MARCHF5: variants seen among roughly 807,000 people sequenced by gnomAD.
MARCHF5 encodes E3 ubiquitin-protein ligase MARCHF5.
In MARCHF5, 5 loss-of-function variants were observed where a neutral mutation model predicts 36.5. That is an observed-to-expected ratio of 0.14 (90% CI 0.07 to 0.29). The LOEUF is 0.29. MARCHF5 is among the 10% of genes least tolerant of loss of function. The pLI is 1.00. For missense variants in MARCHF5, 179 were observed against 336.3 expected (o/e 0.53, Z 3.66); for synonymous variants, 103 against 109.9 (o/e 0.94, Z 0.39).
rs1252933460 is a variant in MARCHF5 at position 92,291,264 on chromosome 10, C to A, written c.-231C>A. 5.6e-6 allele frequency: 3 copies of A among 540,344 alleles called. No homozygotes were observed. The African/African-American group carries it at 6.1e-5, about 11-fold the overall frequency. 33.5% of individuals were successfully genotyped at this position (540,344 alleles called of 1,614,324 possible). A position where few individuals can be genotyped will look rare whatever the true frequency, so the allele number is the denominator to read the frequency against. ...CGGACGGGAACCCGGGCCGCGATCG[C>A]CGCCTCCCCGCCTCAGGCTCCTCCT... On this transcript the variant is annotated 5_prime_UTR_variant, in exon 1 of 6. Coordinates refer to ENST00000358935, the MANE Select transcript of MARCHF5 (RefSeq NM_017824.5).
chr10:92,298,960 T>A (rs1157158484), intron 1 of MARCHF5, among the ~76,000 whole-genome samples: 2 of 152,032 alleles, frequency 1.3e-5, no homozygotes, highest in Non-Finnish European at 2.9e-5. Context: ...CAAGCCAGCA[T>A]GCCCAGCTAA....
chr10:92,349,591 C>T (rs1361081375), intron 4 of MARCHF5, 59 bp downstream of exon 4: 1 of 1,593,962 alleles, frequency 6.3e-7, no homozygotes, highest in Admixed American at 1.7e-5. Flanking sequence ...AGAACAATAA[C>T]ATGCTTTTTT....
intron 1 of MARCHF5, among the ~76,000 whole-genome samples, chr10:92,309,872 C>T (rs1169202750): frequency 6.6e-6 from 1 of 152,020 alleles, no homozygotes; most frequent in Non-Finnish European, 1.5e-5. Context: ...AACCATAAGA[C>T]AATGTGAAGG....
chr10:92,319,530 G>A (rs1318251129), intron 2 of MARCHF5, among the ~76,000 whole-genome samples: 1 of 151,900 alleles, frequency 6.6e-6, no homozygotes, highest in Non-Finnish European at 1.5e-5. Context: ...TCCTGACCTC[G>A]TGATCTGCCT....
intron 2 of MARCHF5, among the ~76,000 whole-genome samples, chr10:92,326,966 C>A (rs1843368538): frequency 6.6e-6 from 1 of 152,002 alleles, no homozygotes. Context: ...TTATAACTAT[C>A]GTTATAAATT....
At position 92,291,514 on chromosome 10, in the gene MARCHF5, A is replaced by G. The variant is rs978510585; in HGVS notation, c.20A>G (p.Gln7Arg). 13 of 1,547,374 alleles carry G rather than the reference A, an allele frequency of 8.4e-6. No homozygotes were observed. Among genetic ancestry groups the G allele is most frequent in the Non-Finnish European group, 1.0e-5 (12 of 1,145,526 alleles). ...CGGAAGATGCCGGACCAAGCCCTACAGCAGATGCTGGACAGGTACGGGCAG... is the reference window on the plus strand; with the variant it reads ...CGGAAGATGCCGGACCAAGCCCTACGGCAGATGCTGGACAGGTACGGGCAG... MPDQAL[Q>R]QMLDRSCWVC... The change falls in exon 1 of 6, where the codon CAG (glutamine) becomes CGG (arginine). Residue 7 changes from glutamine (Q) to arginine (R), a missense_variant. Transcript: ENST00000358935.
At chr10:92,299,669 A>C (rs1420177074) in intron 1 of MARCHF5, among the ~76,000 whole-genome samples, 4 of 152,062 alleles carry the variant, frequency 2.6e-5, no homozygotes, top group African/African-American at 9.7e-5. Flanking sequence ...AGAGCTTCCC[A>C]CACACACACA....
Position 92,291,444 on chromosome 10 carries a change from G to A in MARCHF5, c.-51G>A. The A allele has an allele frequency of 1.4e-6, 2 of 1,469,332 alleles. No homozygotes were observed. Among genetic ancestry groups the A allele is most frequent in the Non-Finnish European group, 1.9e-6 (2 of 1,073,648 alleles). 91.0% of individuals were successfully genotyped at this position (1,469,332 alleles called of 1,614,324 possible). Reference sequence around the variant, plus strand: ...TCTCAGTGCTATTGTCCCTGGGCCTGGCCTTGAGCGGGTCCACTGGGGAAG... The same window carrying A: ...TCTCAGTGCTATTGTCCCTGGGCCTAGCCTTGAGCGGGTCCACTGGGGAAG... On this transcript the variant is annotated 5_prime_UTR_variant, in exon 1 of 6. Coordinates refer to ENST00000358935, the MANE Select transcript of MARCHF5 (RefSeq NM_017824.5).
At chr10:92,347,884 T>C (rs1392002946) in intron 3 of MARCHF5, among the ~76,000 whole-genome samples, 1 of 152,032 alleles carries the variant, frequency 6.6e-6, no homozygotes, top group Non-Finnish European at 1.5e-5. Flanking sequence ...CCACACACTT[T>C]CATAAAACAT....
At chr10:92,296,768 G>A (rs1012466640) in intron 1 of MARCHF5, among the ~76,000 whole-genome samples, 1 of 152,106 alleles carries the variant, frequency 6.6e-6, no homozygotes, top group African/African-American at 2.4e-5. Flanking sequence ...TATTCTTCCA[G>A]CCCCCTCCCA....
rs529094863 is a variant in MARCHF5 at position 92,352,649 on chromosome 10, T to A, written c.*1442T>A. 6.6e-6 allele frequency: 1 copy of A among 152,430 alleles called. No individual in the cohort carries two copies. Among genetic ancestry groups the A allele is most frequent in the Non-Finnish European group, 1.5e-5 (1 of 68,022 alleles). The allele number at this position is 152,430 out of a possible 1,614,324, so 9.4% of individuals were successfully genotyped here. A position where few individuals can be genotyped will look rare whatever the true frequency, so the allele number is the denominator to read the frequency against. ...CTTTAGGAGTGTAGCAAATATAGAT[T>A]GAGCTATGTTAGTTTGCAATAATAT... On this transcript the variant is annotated 3_prime_UTR_variant, in exon 6 of 6. Transcript: ENST00000358935.
intron 2 of MARCHF5, among the ~76,000 whole-genome samples, chr10:92,315,531 C>T (rs1441784385): frequency 1.3e-5 from 2 of 152,200 alleles, no homozygotes; most frequent in Non-Finnish European, 2.9e-5. Context: ...ATGAACACTT[C>T]AGTGGCTTCT....
At position 92,352,173 on chromosome 10, in the gene MARCHF5, A is replaced by C. The variant is rs865801882; in HGVS notation, c.*966A>C. On this transcript the variant is annotated 3_prime_UTR_variant, in exon 6 of 6. Transcript: ENST00000358935. ...AGTGCTGTAGGACATAGTGGTGAAC[A>C]AGACAGACTTGGTCCAAGCTCTTAC... is the stretch of plus-strand genomic sequence containing the variant. 6.6e-6 allele frequency: 1 copy of C among 152,658 alleles called. No homozygotes were observed. Among genetic ancestry groups the C allele is most frequent in the Non-Finnish European group, 1.5e-5 (1 of 68,050 alleles). The allele number at this position is 152,658 out of a possible 1,614,324, so 9.5% of individuals were successfully genotyped here. A position where few individuals can be genotyped will look rare whatever the true frequency, so the allele number is the denominator to read the frequency against.
intron 3 of MARCHF5, among the ~76,000 whole-genome samples, chr10:92,344,239 G>A (rs1843614277): frequency 6.6e-6 from 1 of 152,088 alleles, no homozygotes; most frequent in South Asian, 2.1e-4. Context: ...TGAAACCACT[G>A]GAGAACAGTT....
At chr10:92,349,909 G>A (rs1843697561) in intron 5 of MARCHF5, 72 bp downstream of exon 5, 1 of 1,286,672 alleles carries the variant, frequency 7.8e-7, no homozygotes, top group Non-Finnish European at 1.1e-6. Flanking sequence ...TAAAAGGTGG[G>A]GAACTGTATA....
At chr10:92,348,230 T>A (rs1240139327) in intron 3 of MARCHF5, among the ~76,000 whole-genome samples, 1 of 149,226 alleles carries the variant, frequency 6.7e-6, no homozygotes. Flanking sequence ...GGCTCGCGCC[T>A]GTAATCCCAG....
intron 2 of MARCHF5, among the ~76,000 whole-genome samples, chr10:92,315,476 C>T (rs547414832): frequency 3.9e-5 from 6 of 152,172 alleles, no homozygotes; most frequent in Non-Finnish European, 7.3e-5. Context: ...TGACAGAATT[C>T]ATAGTGGAGG....
At chr10:92,325,282 G>A (rs1156948835) in intron 2 of MARCHF5, among the ~76,000 whole-genome samples, 1 of 152,124 alleles carries the variant, frequency 6.6e-6, no homozygotes, top group Non-Finnish European at 1.5e-5. Context: ...GTTCCAGACT[G>A]CAACGAGCTG....
chr10:92,312,436 A>G (rs1249622830), intron 2 of MARCHF5, among the ~76,000 whole-genome samples: 1 of 152,226 alleles, frequency 6.6e-6, no homozygotes, highest in Non-Finnish European at 1.5e-5. Flanking sequence ...GGACCATGTG[A>G]TGGGTCTTCA....
Sources: allele counts gnomAD v4.1 joint callset (sites outside exome capture counted in the v4.1 genomes callset), GRCh38; gene constraint gnomAD v4.1.1; transcripts MANE v1.5; gene names NCBI Gene and HGNC (gene_info 2026-07-23, HGNC 2026-07-21).